Variants in DCX observed in about 807,000 individuals in gnomAD.
DCX encodes neuronal migration protein doublecortin.
A neutral mutation model predicts 20.9 loss-of-function variants in DCX; 4 were observed. The ratio of observed to expected loss-of-function variants is 0.19; its 90% CI spans 0.09 to 0.44. The LOEUF is 0.44. Among genes scored for constraint, DCX ranks in the 20% least tolerant of loss-of-function variants. The probability of loss-of-function intolerance (pLI) is 0.99; values close to 1 mark genes in which losing one functional copy is unlikely to be tolerated. For synonymous variants in DCX, 103 were observed against 111.4 expected (o/e 0.92, Z 0.47); for missense variants, 133 against 296.9 (o/e 0.45, Z 4.06).
chrX:111,396,513 C>T (rs1292911679), intron 3 of DCX, among the ~76,000 whole-genome samples: 2 of 111,490 alleles, frequency 1.8e-5, no homozygotes, highest in African/African-American at 3.3e-5. Flanking sequence ...GTGTATGATG[C>T]CAAAAAGCTG....
At chrX:111,337,228 C>T (rs1921816199) in intron 3 of DCX, among the ~76,000 whole-genome samples, 1 of 111,815 alleles carries the variant, frequency 8.9e-6, no homozygotes, top group Non-Finnish European at 1.9e-5. Context: ...AAAGGTCTTG[C>T]TGACATCAGC....
intron 3 of DCX, among the ~76,000 whole-genome samples, chrX:111,352,279 T>G (rs952420091): frequency 8.1e-5 from 9 of 111,548 alleles, no homozygotes; most frequent in Non-Finnish European, 3.8e-5. Context: ...ATTTGATGCC[T>G]GTCAAGATAT....
chrX:111,401,239 T>A lies in DCX; in HGVS notation c.456A>T (p.Thr152=). Reference sequence around the variant, plus strand: ...ACTGGGGGGCTTTCATATTGGCAGATGTTTTTACGTTGACAGACCAGTTGG... The same window carrying A: ...ACTGGGGGGCTTTCATATTGGCAGAAGTTTTTACGTTGACAGACCAGTTGG... ...VNPNWSVNVK[T]SANMKAPQSL... is the part of the protein sequence containing the mutation. Residue 152 remains threonine, a synonymous_variant, in exon 3 of 7, where the codon ACA becomes ACT. Transcript: ENST00000636035. 8.3e-7 allele frequency: 1 copy of A among 1,211,818 alleles called. No homozygotes were observed. Among genetic ancestry groups the A allele is most frequent in the Non-Finnish European group, 1.1e-6 (1 of 895,484 alleles).
chrX:111,349,775 C>T (rs1374738389), intron 3 of DCX, among the ~76,000 whole-genome samples: 1 of 111,767 alleles, frequency 8.9e-6, no homozygotes, highest in Non-Finnish European at 1.9e-5. Flanking sequence ...AGAACGAGTT[C>T]TCATGGGTAC....
In DCX at chrX:111,401,171, T is replaced by C. The variant is rs1927761207; in HGVS notation, c.524A>G (p.Asp175Gly). 1 of 1,209,320 alleles carries C rather than the reference T, an allele frequency of 8.3e-7. No individual in the cohort carries two copies. The change falls in exon 3 of 7, where the codon GAC (aspartate) becomes GGC (glycine). Residue 175 changes from aspartate (D) to glycine (G), a missense_variant. Physicochemically the swap from Asp to Gly is moderately conservative, Grantham distance 94 (BLOSUM62 -1). Around this residue, in one of 2 missense-constraint regions of DCX, gnomAD observed 65 missense variants for 212.6 expected, o/e 0.31. Coordinates refer to ENST00000636035, the MANE Select transcript of DCX (RefSeq NM_001195553.2). ...GGTAACCAGCTTGGGGCGCACAAAG[T>C]CCTTGTTCTCCCTGGCCTGTGCACT... Reference protein sequence around the residue: ...SNSAQARENKDFVRPKLVTII... With the variant: ...SNSAQARENKGFVRPKLVTII...
rs184378236 is a variant in DCX at position 111,332,525 on chromosome X, C to T, written c.808+526G>A. On this transcript the variant is annotated intron_variant, in intron 4 of 6. Coordinates refer to ENST00000636035, the MANE Select transcript of DCX (RefSeq NM_001195553.2). ...ACTCAAACCAAGGGAGATGGGAAGA[C>T]GATTAGATCCTTCTTATTATTAACA... Among the ~76,000 whole-genome samples, 10 of 111,471 alleles carry T rather than the reference C, an allele frequency of 9.0e-5. No homozygotes were observed. In the South Asian group the frequency reaches 2.3e-3, roughly 25 times the overall value.
intron 6 of DCX, among the ~76,000 whole-genome samples, chrX:111,308,469 C>G (rs2095050347): frequency 9.0e-6 from 1 of 110,852 alleles, no homozygotes. Flanking sequence ...ACTTAAATGT[C>G]ACCTCTGTGA....
chrX:111,326,421 GAGAGAGACATGTCTTTCTTT>G (rs1412617802), intron 5 of DCX, among the ~76,000 whole-genome samples: 1 of 112,151 alleles, frequency 8.9e-6, no homozygotes, highest in East Asian at 2.8e-4. Flanking sequence ...AATGGAAACA[GAGAGAGACATGTCTTTCTTT>G]AGTTCTGAAG....
At chrX:111,403,822 G>A (rs1352556357) in intron 2 of DCX, among the ~76,000 whole-genome samples, 2 of 111,442 alleles carry the variant, frequency 1.8e-5, no homozygotes, top group Non-Finnish European at 3.8e-5. Flanking sequence ...GAGGCAGGTG[G>A]ATCGCTTGAG....
At chrX:111,374,170 T>C (rs1341345427) in intron 3 of DCX, among the ~76,000 whole-genome samples, 1 of 111,919 alleles carries the variant, frequency 8.9e-6, no homozygotes, top group Non-Finnish European at 1.9e-5. Flanking sequence ...CCAGAAGTTA[T>C]TAAAATAGAG....
At chrX:111,310,224 C>T (rs1441922962) in intron 6 of DCX, among the ~76,000 whole-genome samples, 1 of 111,173 alleles carries the variant, frequency 9.0e-6, no homozygotes, top group African/African-American at 3.3e-5. Context: ...CCCAGCTGCT[C>T]GGGAGGCTGA....
Position 111,387,204 on chromosome X carries a change from G to C in DCX, c.705+13786C>G, listed in dbSNP as rs180725143. On this transcript the variant is annotated intron_variant, in intron 3 of 6. Transcript: ENST00000636035. ...CAAAGTGCCTAGGGCCCACAGCACT[G>C]TTATGGACCCATGAAAAGGGTTTAA... is the stretch of plus-strand genomic sequence containing the variant. Among the ~76,000 whole-genome samples the C allele has an allele frequency of 3.5e-3, 390 of 111,566 alleles. 2 individuals are homozygous for C. Among genetic ancestry groups the C allele is most frequent in the African/African-American group, 0.012 (367 of 30,765 alleles).
chrX:111,386,515 T>C (rs1424642309), intron 3 of DCX, among the ~76,000 whole-genome samples: 1 of 111,382 alleles, frequency 9.0e-6, no homozygotes, highest in Admixed American at 9.6e-5. Flanking sequence ...AGCTTCCAGA[T>C]AGGGTTTATT....
At chrX:111,401,395 AACTAAT>A in intron 2 of DCX, 65 bp from the exon 3 acceptor site, 4 of 961,586 alleles carry the variant, frequency 4.2e-6, no homozygotes, top group Non-Finnish European at 6.0e-6. Flanking sequence ...ATTCTAACCA[AACTAAT>A]ACACACTGAC....
chrX:111,307,207 CAATT>C (rs1354125959), intron 6 of DCX, among the ~76,000 whole-genome samples: 1 of 109,100 alleles, frequency 9.2e-6, no homozygotes, highest in Non-Finnish European at 1.9e-5. Flanking sequence ...TTTATATTGA[CAATT>C]AAGTACTGTT....
At chrX:111,396,607 T>C (rs1233539664) in intron 3 of DCX, among the ~76,000 whole-genome samples, 1 of 112,101 alleles carries the variant, frequency 8.9e-6, no homozygotes, top group Non-Finnish European at 1.9e-5. Flanking sequence ...GAACCAGAAA[T>C]TTGGGTCCCA....
At chrX:111,384,386 G>A (rs893003891) in intron 3 of DCX, among the ~76,000 whole-genome samples, 2 of 110,987 alleles carry the variant, frequency 1.8e-5, no homozygotes, top group African/African-American at 6.6e-5. Flanking sequence ...CATGTTCCAG[G>A]CACTATTCTA....
intron 2 of DCX, among the ~76,000 whole-genome samples, chrX:111,408,666 GAAAGAAAGAAAGAAAGAAAGAAAGA>G (rs1928439267): frequency 9.3e-6 from 1 of 107,973 alleles, no homozygotes; most frequent in African/African-American, 3.4e-5. Flanking sequence ...AAGAAAGAAA[GAAAGAAAGAAAGAAAGAAAGAAAGA>G]AAGGAAGGAA....
In DCX at chrX:111,301,265, T is replaced by C; in HGVS notation, c.*422A>G. Reference sequence around the variant, plus strand: ...CAGAGAAAAGGGGCACTTGTGTTTGTCATTCTTGGATCTGCCAATGAGTTT... The same window carrying C: ...CAGAGAAAAGGGGCACTTGTGTTTGCCATTCTTGGATCTGCCAATGAGTTT... On this transcript the variant is annotated 3_prime_UTR_variant, in exon 7 of 7. Coordinates refer to ENST00000636035, the MANE Select transcript of DCX (RefSeq NM_001195553.2). 1 of 154,505 alleles carries C rather than the reference T, an allele frequency of 6.5e-6. No individual in the cohort carries two copies. The highest frequency in any genetic ancestry group is 1.3e-5 in the Non-Finnish European group (1 of 78,426). 12.7% of individuals were successfully genotyped at this position (154,505 alleles called of 1,213,427 possible).
Sources: allele counts gnomAD v4.1 joint callset (sites outside exome capture counted in the v4.1 genomes callset), GRCh38; gene constraint gnomAD v4.1.1; regional missense constraint gnomAD v4.1.1; transcripts MANE v1.5; gene names NCBI Gene and HGNC (gene_info 2026-07-23, HGNC 2026-07-21).